ZBTB20: variants seen among roughly 807,000 people sequenced by gnomAD.
ZBTB20 encodes zinc finger and BTB domain-containing protein 20.
Under a neutral mutation model 56.9 loss-of-function variants are expected in ZBTB20, and 9 were observed. That is an observed-to-expected ratio of 0.16 (90% CI 0.10 to 0.28). The LOEUF (loss-of-function observed/expected upper bound fraction) is 0.28. Ranked by LOEUF, ZBTB20 falls within the 10% of genes least tolerant of loss-of-function variation. The pLI is 1.00. For synonymous variants in ZBTB20, 417 were observed against 420.7 expected (o/e 0.99, Z 0.11); for missense variants, 655 against 1,003.0 (o/e 0.65, Z 4.69).
chr3:114,514,504 T>C (rs374674307), intron 6 of ZBTB20, among the ~76,000 whole-genome samples: 14 of 152,298 alleles, frequency 9.2e-5, no homozygotes, highest in African/African-American at 3.4e-4. Context: ...TCTAAATGTA[T>C]AGGGCATGAG....
intron 2 of ZBTB20, among the ~76,000 whole-genome samples, chr3:114,996,444 G>A (rs1560474974): frequency 2.0e-5 from 3 of 151,766 alleles, no homozygotes; most frequent in South Asian, 2.1e-4. Context: ...ACTTATGAGT[G>A]AGAACACGTG....
intron 7 of ZBTB20, among the ~76,000 whole-genome samples, chr3:114,452,880 T>G (rs1177305861): frequency 6.6e-6 from 1 of 152,144 alleles, no homozygotes; most frequent in Non-Finnish European, 1.5e-5. Flanking sequence ...GCTTGAGAAT[T>G]GTTCCCCTTG....
chr3:114,823,207 G>A (rs2073347556), intron 4 of ZBTB20, among the ~76,000 whole-genome samples: 1 of 152,084 alleles, frequency 6.6e-6, no homozygotes, highest in Non-Finnish European at 1.5e-5. Context: ...AATTTGGCCT[G>A]TGCTCTATAG....
intron 2 of ZBTB20, among the ~76,000 whole-genome samples, chr3:115,060,249 T>C (rs1229442682): frequency 6.6e-6 from 1 of 152,216 alleles, no homozygotes; most frequent in Non-Finnish European, 1.5e-5. Flanking sequence ...TAAAGCATCT[T>C]TGACTTCATA....
chr3:114,882,456 A>G (rs932460347), intron 4 of ZBTB20, among the ~76,000 whole-genome samples: 1 of 152,178 alleles, frequency 6.6e-6, no homozygotes, highest in South Asian at 2.1e-4. Flanking sequence ...ATATTAAAAT[A>G]AAAACAAGGA....
chr3:114,519,925 C>T (rs1045821663), intron 6 of ZBTB20: 1 of 151,514 alleles, frequency 6.6e-6, no homozygotes, highest in Admixed American at 6.6e-5. Flanking sequence ...ACAAGATATT[C>T]TAGAATAAAA....
At chr3:114,492,916 T>G (rs1460250965) in intron 7 of ZBTB20, among the ~76,000 whole-genome samples, 1 of 152,222 alleles carries the variant, frequency 6.6e-6, no homozygotes, top group African/African-American at 2.4e-5. Flanking sequence ...TATTTAGTTC[T>G]GAGCAATTTT....
intron 6 of ZBTB20, among the ~76,000 whole-genome samples, chr3:114,512,374 T>C (rs753969133): frequency 8.5e-5 from 13 of 152,166 alleles, no homozygotes; most frequent in East Asian, 1.9e-4. Flanking sequence ...GAGTCTATTA[T>C]TGATTACTCT....
intron 6 of ZBTB20, among the ~76,000 whole-genome samples, chr3:114,522,505 T>C (rs2046757792): frequency 6.6e-6 from 1 of 152,182 alleles, no homozygotes; most frequent in East Asian, 1.9e-4. Context: ...CTGACTGAAA[T>C]TACATTACAT....
At chr3:115,121,691 G>A (rs936319480) in intron 1 of ZBTB20, among the ~76,000 whole-genome samples, 2 of 151,950 alleles carry the variant, frequency 1.3e-5, no homozygotes, top group Non-Finnish European at 2.9e-5. Flanking sequence ...TGATATTATA[G>A]TTTATAGAGA....
intron 5 of ZBTB20, among the ~76,000 whole-genome samples, chr3:114,754,491 A>G (rs531168424): frequency 1.4e-4 from 22 of 152,238 alleles, no homozygotes; most frequent in African/African-American, 5.1e-4. Context: ...TAAAATTGCT[A>G]CCAACAACTG....
At chr3:114,421,203 A>T (rs1294907445) in intron 7 of ZBTB20, among the ~76,000 whole-genome samples, 3 of 152,090 alleles carry the variant, frequency 2.0e-5, no homozygotes, top group African/African-American at 4.8e-5. Flanking sequence ...ATGCATGTTC[A>T]CCAAATGGTA....
chr3:115,084,186 A>G (rs2082900340), intron 1 of ZBTB20, among the ~76,000 whole-genome samples: 1 of 151,620 alleles, frequency 6.6e-6, no homozygotes, highest in Non-Finnish European at 1.5e-5. Flanking sequence ...TACGATGTTT[A>G]CATAGACTTT....
At chr3:114,390,007 C>G (rs2085672975) in intron 7 of ZBTB20, among the ~76,000 whole-genome samples, 1 of 151,790 alleles carries the variant, frequency 6.6e-6, no homozygotes, top group Non-Finnish European at 1.5e-5. Context: ...TAACGATAGT[C>G]ATGAGGATGT....
chr3:114,448,094 G>A (rs2091376922), intron 7 of ZBTB20, among the ~76,000 whole-genome samples: 1 of 152,138 alleles, frequency 6.6e-6, no homozygotes, highest in Non-Finnish European at 1.5e-5. Context: ...GGGAAAAGAA[G>A]AGTAGCCTAC....
chr3:114,365,959 A>G lies in ZBTB20; in HGVS notation c.200-14081T>C, dbSNP rs2082355267. On this transcript the variant is annotated intron_variant, in intron 10 of 11. Coordinates refer to ENST00000675478, the MANE Select transcript of ZBTB20 (RefSeq NM_001348800.3). ...ATAATCGGGTAAAAAATTAGTACCT[A>G]TATTTTCACAAATGGGCATAATGCT... Among the ~76,000 whole-genome samples the G allele has an allele frequency of 2.6e-5, 4 of 152,228 alleles. No homozygotes were observed. In the South Asian group the frequency reaches 8.3e-4, roughly 32 times the overall value.
chr3:114,367,618 A>T (rs1035976701), intron 10 of ZBTB20, among the ~76,000 whole-genome samples: 1 of 152,234 alleles, frequency 6.6e-6, no homozygotes, highest in African/African-American at 2.4e-5. Context: ...ACAGGTTAAC[A>T]CTAGAATGTA....
At chr3:115,066,779 C>T (rs1489066565) in intron 2 of ZBTB20, among the ~76,000 whole-genome samples, 3 of 152,028 alleles carry the variant, frequency 2.0e-5, no homozygotes, top group Non-Finnish European at 4.4e-5. Context: ...AGTCTCCTCT[C>T]GGGTTTCTAT....
intron 6 of ZBTB20, among the ~76,000 whole-genome samples, chr3:114,628,235 T>G (rs2058749949): frequency 6.6e-6 from 1 of 152,142 alleles, no homozygotes; most frequent in Non-Finnish European, 1.5e-5. Context: ...GTATTTGTAA[T>G]CTCTCTCTTT....
Sources: gnomAD v4.1 joint callset for allele counts (sites outside exome capture counted in the v4.1 genomes callset) on GRCh38, gnomAD v4.1.1 for gene constraint, MANE v1.5 for transcripts, NCBI Gene and HGNC (gene_info 2026-07-23, HGNC 2026-07-21) for gene names.